Variants in PDE4B observed in about 807,000 individuals in gnomAD.
PDE4B encodes the protein 3',5'-cyclic-AMP phosphodiesterase 4B.
In PDE4B, 20 loss-of-function variants were observed where a neutral mutation model predicts 82.2. The observed-to-expected ratio is 0.24, with a 90% CI of 0.17 to 0.35. The LOEUF (loss-of-function observed/expected upper bound fraction) is 0.35, where lower values mean the gene tolerates loss of function less well. Among genes scored for constraint, PDE4B ranks in the 10% least tolerant of loss-of-function variants. The pLI, the probability that PDE4B is intolerant of heterozygous loss-of-function variation, is 1.00. For missense variants in PDE4B, 655 were observed against 907.2 expected (o/e 0.72, Z 3.57); for synonymous variants, 320 against 318.9 (o/e 1.00, Z -0.04).
At chr1:65,909,499 G>A (rs183266376) in intron 1 of PDE4B, among the ~76,000 whole-genome samples, 2 of 152,248 alleles carry the variant, frequency 1.3e-5, no homozygotes, top group East Asian at 3.9e-4. Context: ...GGAGAAAGGG[G>A]AAAGAGGAAA....
intron 3 of PDE4B, among the ~76,000 whole-genome samples, chr1:65,968,726 A>G (rs1649979850): frequency 6.6e-6 from 1 of 152,176 alleles, no homozygotes; most frequent in Non-Finnish European, 1.5e-5. Context: ...ACCTCACATT[A>G]CAATGTAAAT....
intron 3 of PDE4B, among the ~76,000 whole-genome samples, chr1:66,107,200 G>T (rs3003665): frequency 0.42 from 62,926 of 151,098 alleles, 14,305 homozygotes; most frequent in Non-Finnish European, 0.5. Flanking sequence ...TATGTACCCA[G>T]TAGTCATTCA....
rs113296360 is a variant in PDE4B at position 65,903,644 on chromosome 1, A to G, written c.-70-9601A>G. The stretch of plus-strand genomic sequence containing the variant: ...AAGGAAATGATAGTTTCTAAATATG[A>G]AGACACTTAAAGACCAATAAAAATG... On this transcript the variant is annotated intron_variant, in intron 1 of 16. Transcript: ENST00000341517. Among the ~76,000 whole-genome samples, 541 of 152,330 alleles carry G rather than the reference A, an allele frequency of 3.6e-3. 1 individual carries two copies. Among genetic ancestry groups the G allele is most frequent in the African/African-American group, 0.012 (507 of 41,588 alleles).
intron 1 of PDE4B, among the ~76,000 whole-genome samples, chr1:65,847,493 A>C (rs1646280293): frequency 6.6e-6 from 1 of 152,174 alleles, no homozygotes; most frequent in Non-Finnish European, 1.5e-5. Flanking sequence ...TATTTAATAC[A>C]AGTTGATGGG....
intron 3 of PDE4B, among the ~76,000 whole-genome samples, chr1:66,018,742 T>C (rs1026271913): frequency 3.3e-5 from 5 of 152,304 alleles, no homozygotes; most frequent in African/African-American, 1.2e-4. Flanking sequence ...ATGGATACAA[T>C]CTTAAGTTAG....
At chr1:65,957,293 C>T (rs1354189518) in intron 3 of PDE4B, among the ~76,000 whole-genome samples, 1 of 151,964 alleles carries the variant, frequency 6.6e-6, no homozygotes, top group Admixed American at 6.6e-5. Context: ...AATATCTTTT[C>T]CTATATTTTC....
chr1:66,237,552 G>A (rs1652556024), intron 3 of PDE4B, among the ~76,000 whole-genome samples: 1 of 152,146 alleles, frequency 6.6e-6, no homozygotes, highest in Non-Finnish European at 1.5e-5. Flanking sequence ...TCAAAGACTT[G>A]TGAAATTTGA....
At chr1:66,303,377 A>G (rs1658048230) in intron 7 of PDE4B, among the ~76,000 whole-genome samples, 1 of 151,904 alleles carries the variant, frequency 6.6e-6, no homozygotes, top group East Asian at 1.9e-4. Flanking sequence ...ATATACACAC[A>G]CACAGTGAAA....
At chr1:66,103,378 T>A (rs1041254957) in intron 3 of PDE4B, among the ~76,000 whole-genome samples, 8 of 152,142 alleles carry the variant, frequency 5.3e-5, no homozygotes, top group Non-Finnish European at 7.4e-5. Flanking sequence ...TTCTTCAGAT[T>A]TCTTTTTCTT....
At chr1:65,936,406 A>G (rs919977432) in intron 3 of PDE4B, among the ~76,000 whole-genome samples, 7 of 152,222 alleles carry the variant, frequency 4.6e-5, no homozygotes, top group African/African-American at 1.2e-4. Context: ...ACTAGGCAAC[A>G]ACAATTTTTC....
At chr1:66,234,288 A>C (rs867195989) in intron 3 of PDE4B, among the ~76,000 whole-genome samples, 5 of 152,048 alleles carry the variant, frequency 3.3e-5, no homozygotes, top group African/African-American at 1.2e-4. Flanking sequence ...GTACTGGCAT[A>C]ATTATTATTA....
At chr1:66,347,329 G>A (rs1037857745) in intron 8 of PDE4B, among the ~76,000 whole-genome samples, 3 of 152,038 alleles carry the variant, frequency 2.0e-5, no homozygotes, top group African/African-American at 7.2e-5. Flanking sequence ...ATAAGAAATA[G>A]CTGTCTATGA....
intron 3 of PDE4B, among the ~76,000 whole-genome samples, chr1:66,191,396 T>A (rs1438918264): frequency 1.3e-5 from 2 of 152,206 alleles, no homozygotes; most frequent in Non-Finnish European, 2.9e-5. Context: ...CTCCTATACA[T>A]TCACAAGTCT....
At chr1:65,891,590 T>G (rs919913106) in intron 1 of PDE4B, among the ~76,000 whole-genome samples, 2 of 152,078 alleles carry the variant, frequency 1.3e-5, no homozygotes, top group Non-Finnish European at 2.9e-5. Flanking sequence ...TTATTTTAAT[T>G]ACAGAAGTCT....
chr1:66,039,580 C>T (rs1014330408), intron 3 of PDE4B, among the ~76,000 whole-genome samples: 1 of 151,984 alleles, frequency 6.6e-6, no homozygotes, highest in Non-Finnish European at 1.5e-5. Flanking sequence ...TATCTATAAT[C>T]TTTCTATCTA....
chr1:65,910,934 C>CT (rs371606736), intron 1 of PDE4B, among the ~76,000 whole-genome samples: 20 of 151,258 alleles, frequency 1.3e-4, no homozygotes, highest in South Asian at 2.1e-4. Flanking sequence ...ATATTTCTTG[C>CT]TTTTTTTTTG....
chr1:66,155,857 A>T (rs538762266), intron 3 of PDE4B, among the ~76,000 whole-genome samples: 1 of 152,228 alleles, frequency 6.6e-6, no homozygotes, highest in South Asian at 2.1e-4. Context: ...CATTACTGAC[A>T]TTTATCATCT....
intron 3 of PDE4B, among the ~76,000 whole-genome samples, chr1:66,091,967 ACAC>A (rs1645034360): frequency 6.6e-6 from 1 of 152,096 alleles, no homozygotes; most frequent in Non-Finnish European, 1.5e-5. Context: ...ATATAAATTT[ACAC>A]AATTAAGAGT....
At chr1:66,238,328 G>A (rs1003992667) in intron 3 of PDE4B, among the ~76,000 whole-genome samples, 2 of 152,202 alleles carry the variant, frequency 1.3e-5, no homozygotes, top group Non-Finnish European at 2.9e-5. Context: ...AGGGCACAGT[G>A]TGGTATTGGA....
Sources: allele counts gnomAD v4.1 joint callset (sites outside exome capture counted in the v4.1 genomes callset), GRCh38; gene constraint gnomAD v4.1.1; transcripts MANE v1.5; gene names NCBI Gene and HGNC (gene_info 2026-07-23, HGNC 2026-07-21).